MED27: variants seen among roughly 807,000 people sequenced by gnomAD.
MED27 encodes the protein mediator of RNA polymerase II transcription subunit 27.
A neutral mutation model predicts 38.2 loss-of-function variants in MED27; 30 were observed. The ratio of observed to expected loss-of-function variants is 0.79; its 90% CI spans 0.59 to 1.07. MED27 has a LOEUF of 1.07. Ranked by LOEUF, MED27 falls within the 50% of genes least tolerant of loss-of-function variation. MED27 has a pLI of 0.00. For synonymous variants in MED27, 122 were observed against 153.5 expected, an observed-to-expected ratio of 0.79 and a Z score of 1.52; for missense variants, 289 against 397.5, an observed-to-expected ratio of 0.73 and a Z score of 2.32.
chr9:132,050,362 C>A (rs1833436981), intron 2 of MED27, among the ~76,000 whole-genome samples: 1 of 152,138 alleles, frequency 6.6e-6, no homozygotes, highest in African/African-American at 2.4e-5. Flanking sequence ...AGGGGCGGTC[C>A]AGGTGCCGGG....
At chr9:131,951,830 C>T (rs1831003952) in intron 3 of MED27, among the ~76,000 whole-genome samples, 2 of 152,218 alleles carry the variant, frequency 1.3e-5, no homozygotes, top group Admixed American at 1.3e-4. Flanking sequence ...GTCATGAAAA[C>T]ACCTCGAAGC....
At chr9:131,897,642 G>C (rs570657375) in intron 4 of MED27, among the ~76,000 whole-genome samples, 2 of 152,320 alleles carry the variant, frequency 1.3e-5, no homozygotes, top group South Asian at 2.1e-4. Context: ...GAGGGAAAAG[G>C]AGGTGGAGGT....
intron 4 of MED27, among the ~76,000 whole-genome samples, chr9:131,930,181 CAA>C (rs1456647331): frequency 6.6e-6 from 1 of 152,184 alleles, no homozygotes; most frequent in African/African-American, 2.4e-5. Context: ...AAGACGGGTA[CAA>C]AGTTTATTCC....
intron 4 of MED27, among the ~76,000 whole-genome samples, chr9:131,897,363 T>C (rs1021541404): frequency 9.9e-5 from 15 of 152,214 alleles, no homozygotes; most frequent in African/African-American, 3.4e-4. Context: ...ACCACAACGG[T>C]TATGCCAACC....
At chr9:131,959,905 A>C (rs1384703438) in intron 3 of MED27, among the ~76,000 whole-genome samples, 1 of 152,184 alleles carries the variant, frequency 6.6e-6, no homozygotes, top group East Asian at 1.9e-4. Context: ...TTTCTGAAGA[A>C]ACTTGTAACT....
At chr9:131,900,879 A>G (rs1214500134) in intron 4 of MED27, among the ~76,000 whole-genome samples, 1 of 151,870 alleles carries the variant, frequency 6.6e-6, no homozygotes, top group Non-Finnish European at 1.5e-5. Context: ...GATCTGTTGT[A>G]ATTTAAATGA....
chr9:132,064,922 AATTC>A (rs1466709993), intron 2 of MED27, among the ~76,000 whole-genome samples: 7 of 152,164 alleles, frequency 4.6e-5, no homozygotes, highest in African/African-American at 1.7e-4. Context: ...TAGGGCCAGA[AATTC>A]TTACTAAAAC....
At chr9:131,942,551 T>C (rs1338179123) in intron 3 of MED27, among the ~76,000 whole-genome samples, 1 of 152,216 alleles carries the variant, frequency 6.6e-6, no homozygotes, top group Non-Finnish European at 1.5e-5. Flanking sequence ...TTCTGAACAT[T>C]GAGGCTATTG....
intron 3 of MED27, among the ~76,000 whole-genome samples, chr9:131,956,866 C>A (rs1161225265): frequency 2.0e-5 from 3 of 151,264 alleles, no homozygotes; most frequent in African/African-American, 4.9e-5. Flanking sequence ...CAGAGTAGGA[C>A]TAGAAGAGGG....
At chr9:131,873,415 CT>C (rs1269469351) in intron 6 of MED27, among the ~76,000 whole-genome samples, 1 of 152,174 alleles carries the variant, frequency 6.6e-6, no homozygotes, top group African/African-American at 2.4e-5. Context: ...CAGAGACGAG[CT>C]TCTCAAATGG....
chr9:132,064,339 A>C (rs1833764745), intron 2 of MED27, among the ~76,000 whole-genome samples: 1 of 152,206 alleles, frequency 6.6e-6, no homozygotes, highest in South Asian at 2.1e-4. Flanking sequence ...GATCTAGAGG[A>C]GATGTAAACA....
At chr9:132,007,003 T>C (rs1832373086) in intron 3 of MED27, among the ~76,000 whole-genome samples, 1 of 152,182 alleles carries the variant, frequency 6.6e-6, no homozygotes, top group Non-Finnish European at 1.5e-5. Context: ...ATGATCTTCT[T>C]GGGAATTAAT....
intron 5 of MED27, among the ~76,000 whole-genome samples, chr9:131,892,704 T>A (rs1839248937): frequency 6.6e-6 from 1 of 152,210 alleles, no homozygotes; most frequent in African/African-American, 2.4e-5. Context: ...CTACCCTCAG[T>A]GCTGCCTCTC....
rs1212961106 is a variant in MED27 at position 131,913,256 on chromosome 9, G to A, written c.574-19264C>T. ...TTTGAATCTCTGTGACCTTTTCATG[G>A]ATAGTAGCAGAGGTTGATAAAGAAA... On this transcript the variant is annotated intron_variant, in intron 4 of 7. Transcript: ENST00000292035. This position sits in a 1 kb window ranked among gnomAD's most constrained non-coding sequence, Gnocchi z 4.5. Among the ~76,000 whole-genome samples, 5 of 152,152 alleles carry A rather than the reference G, an allele frequency of 3.3e-5. No individual in the cohort carries two copies. The highest frequency in any genetic ancestry group is 2.6e-4 in the Admixed American group (4 of 15,274).
At chr9:131,867,416 A>G (rs1011396408) in intron 6 of MED27, among the ~76,000 whole-genome samples, 2 of 152,152 alleles carry the variant, frequency 1.3e-5, no homozygotes, top group African/African-American at 4.8e-5. Context: ...GGAAGAAATG[A>G]GCTTGAGTTG....
intron 6 of MED27, among the ~76,000 whole-genome samples, chr9:131,873,275 G>C (rs902773716): frequency 6.6e-6 from 1 of 152,188 alleles, no homozygotes; most frequent in African/African-American, 2.4e-5. Context: ...ATGTGTGCTG[G>C]TTCGATGAAG....
chr9:131,863,770 G>T (rs10115533), intron 6 of MED27, among the ~76,000 whole-genome samples: 26,195 of 152,086 alleles, frequency 0.17, 2,315 homozygotes, highest in African/African-American at 0.21. Context: ...GCCTGGTGTG[G>T]TCCCCTCACC....
chr9:132,039,914 A>G (rs1833170765), intron 2 of MED27, among the ~76,000 whole-genome samples: 1 of 152,174 alleles, frequency 6.6e-6, no homozygotes, highest in Non-Finnish European at 1.5e-5. Flanking sequence ...CCTCTCTGCT[A>G]ATTCTGAAAT....
intron 2 of MED27, among the ~76,000 whole-genome samples, chr9:132,021,831 G>A (rs1832723323): frequency 6.6e-6 from 1 of 152,194 alleles, no homozygotes; most frequent in African/African-American, 2.4e-5. Flanking sequence ...GAAGAGATCA[G>A]ATTTCTCTCT....
Sources: allele counts gnomAD v4.1 joint callset (sites outside exome capture counted in the v4.1 genomes callset), GRCh38; gene constraint gnomAD v4.1.1; non-coding constraint Gnocchi (gnomAD v3.1); transcripts MANE v1.5; gene names NCBI Gene and HGNC (gene_info 2026-07-23, HGNC 2026-07-21).